The following UBAC2 variants were observed in gnomAD, a reference collection of about 807,000 sequenced individuals.
The protein encoded by UBAC2 is UBA domain containing 2.
Under a neutral mutation model 44.0 loss-of-function variants are expected in UBAC2, and 26 were observed. The ratio of observed to expected loss-of-function variants is 0.59; its 90% CI spans 0.43 to 0.82. The LOEUF (loss-of-function observed/expected upper bound fraction) is 0.82. Ranked by LOEUF, UBAC2 falls within the 40% of genes least tolerant of loss-of-function variation. The probability of loss-of-function intolerance (pLI) is 0.00; values close to 1 mark genes in which losing one functional copy is unlikely to be tolerated. For missense variants in UBAC2, 329 were observed against 419.4 expected (o/e 0.78, Z 1.88); for synonymous variants, 155 against 154.3 (o/e 1.00, Z -0.04).
rs145562033 is a variant in UBAC2 at position 99,322,877 on chromosome 13, C to T, written c.561+4808C>T. On this transcript the variant is annotated intron_variant, in intron 6 of 8. Transcript: ENST00000403766. ...GGAAAATGAGCCATCTGGAGGGAGT[C>T]AAGACAGCGCATTTGCGGGCTGTGA... 2.9e-3 allele frequency among the ~76,000 whole-genome samples: 446 copies of T among 152,278 alleles called. 2 individuals are homozygous for T. The highest frequency in any genetic ancestry group is 0.01 in the African/African-American group (433 of 41,554).
intron 7 of UBAC2, among the ~76,000 whole-genome samples, chr13:99,364,954 TTA>T (rs1437039517): frequency 2.0e-5 from 3 of 152,224 alleles, no homozygotes; most frequent in African/African-American, 7.2e-5. Context: ...TGAATTTCTT[TTA>T]TTCAGGAGTG....
intron 4 of UBAC2, among the ~76,000 whole-genome samples, 182 bp downstream of exon 4, chr13:99,244,806 A>G (rs569703006): frequency 4.6e-4 from 44 of 96,110 alleles, no homozygotes; most frequent in African/African-American, 1.2e-3. Flanking sequence ...AATAGAATCA[A>G]TTTTATATTC....
intron 4 of UBAC2, among the ~76,000 whole-genome samples, chr13:99,308,326 T>C (rs1263124709): frequency 2.0e-5 from 3 of 152,128 alleles, no homozygotes; most frequent in South Asian, 4.1e-4. Context: ...AAGCTGGGGA[T>C]GTGTATGCTT....
At chr13:99,294,997 A>G in intron 4 of UBAC2, 1 of 1,515,314 alleles carries the variant, frequency 6.6e-7, no homozygotes, top group Non-Finnish European at 8.9e-7. Context: ...TTTGCTTTAT[A>G]AGGGAAGTCC....
intron 4 of UBAC2, among the ~76,000 whole-genome samples, chr13:99,301,439 G>A (rs1283069022): frequency 6.6e-6 from 1 of 152,180 alleles, no homozygotes; most frequent in Non-Finnish European, 1.5e-5. Context: ...ATCCTAACAT[G>A]TGTAAAACAG....
chr13:99,265,343 C>T (rs1298840389), intron 4 of UBAC2, among the ~76,000 whole-genome samples: 1 of 152,234 alleles, frequency 6.6e-6, no homozygotes, highest in Non-Finnish European at 1.5e-5. Flanking sequence ...AGGAAGGAGG[C>T]AGGCAGGACC....
intron 4 of UBAC2, among the ~76,000 whole-genome samples, chr13:99,281,221 A>AT (rs1261400396): frequency 6.6e-6 from 1 of 152,002 alleles, no homozygotes; most frequent in African/African-American, 2.4e-5. Flanking sequence ...ACAAAAAAAA[A>AT]CAACAGCAAC....
intron 7 of UBAC2, among the ~76,000 whole-genome samples, chr13:99,342,044 G>C (rs2044898348): frequency 6.6e-6 from 1 of 152,214 alleles, no homozygotes; most frequent in East Asian, 1.9e-4. Context: ...GCAAACCAGA[G>C]AAGTTGCATT....
intron 7 of UBAC2, among the ~76,000 whole-genome samples, chr13:99,360,631 A>G (rs2045253018): frequency 6.6e-6 from 1 of 152,122 alleles, no homozygotes; most frequent in South Asian, 2.1e-4. Flanking sequence ...CCTTTCTTTG[A>G]ACACCTTGGG....
At chr13:99,263,336 C>G (rs771716787) in intron 4 of UBAC2, among the ~76,000 whole-genome samples, 1 of 152,204 alleles carries the variant, frequency 6.6e-6, no homozygotes, top group Non-Finnish European at 1.5e-5. Flanking sequence ...TCTGCCATTC[C>G]ATGGCCAAAA....
At chr13:99,248,815 C>A (rs1418140745) in intron 4 of UBAC2, among the ~76,000 whole-genome samples, 2 of 152,190 alleles carry the variant, frequency 1.3e-5, no homozygotes, top group Non-Finnish European at 2.9e-5. Context: ...GCGTGACCAC[C>A]ATGTCTGGTC....
chr13:99,324,308 C>A (rs2044608323), intron 6 of UBAC2, among the ~76,000 whole-genome samples: 1 of 152,142 alleles, frequency 6.6e-6, no homozygotes, highest in South Asian at 2.1e-4. Context: ...GTTTGACTTA[C>A]ACTAGCCACT....
intron 6 of UBAC2, among the ~76,000 whole-genome samples, chr13:99,328,477 C>G (rs2044670654): frequency 6.6e-6 from 1 of 152,162 alleles, no homozygotes; most frequent in African/African-American, 2.4e-5. Context: ...TTTGAAACTT[C>G]CAAATTCTCT....
At chr13:99,213,568 C>G (rs560651352) in intron 1 of UBAC2, among the ~76,000 whole-genome samples, 1 of 152,088 alleles carries the variant, frequency 6.6e-6, no homozygotes, top group Non-Finnish European at 1.5e-5. Flanking sequence ...CCATGTTGGC[C>G]AGGCTGGTCT....
At chr13:99,305,055 A>G (rs545848955) in intron 4 of UBAC2, among the ~76,000 whole-genome samples, 2 of 152,360 alleles carry the variant, frequency 1.3e-5, no homozygotes, top group East Asian at 3.9e-4. Context: ...TAAAGGTTTT[A>G]TAAATGGATT....
chr13:99,244,065 C>T, intron 3 of UBAC2, 114 bp downstream of exon 3: 1 of 883,940 alleles, frequency 1.1e-6, no homozygotes, highest in Non-Finnish European at 1.6e-6. Flanking sequence ...TTTTTAATTA[C>T]ACTATTCTGT....
At chr13:99,203,819 G>C (rs961603490) in intron 1 of UBAC2, among the ~76,000 whole-genome samples, 68 of 152,180 alleles carry the variant, frequency 4.5e-4, no homozygotes, top group African/African-American at 1.6e-3. Flanking sequence ...TGGTGTGAAG[G>C]AGCAAGCCAT....
chr13:99,329,345 AT>A (rs1220680204), intron 6 of UBAC2, among the ~76,000 whole-genome samples: 1 of 152,168 alleles, frequency 6.6e-6, no homozygotes, highest in Admixed American at 6.5e-5. Flanking sequence ...AAGAGTTAAG[AT>A]TTTGCTTGTA....
At chr13:99,347,317 G>GGGC (rs1566514375) in intron 7 of UBAC2, among the ~76,000 whole-genome samples, 2 of 30,422 alleles carry the variant, frequency 6.6e-5, no homozygotes, top group South Asian at 1.1e-3. Context: ...CTATCCCCGG[G>GGGC]CGCCCCCCCC....
Sources: gnomAD v4.1 joint callset for allele counts (sites outside exome capture counted in the v4.1 genomes callset) on GRCh38, gnomAD v4.1.1 for gene constraint, MANE v1.5 for transcripts, NCBI Gene and HGNC (gene_info 2026-07-23, HGNC 2026-07-21) for gene names.